ZNF841: variants seen among roughly 807,000 people sequenced by gnomAD.
ZNF841 encodes TCONS_00006091.
A neutral mutation model predicts 13.0 loss-of-function variants in ZNF841; 11 were observed. That is an observed-to-expected ratio of 0.85 (90% confidence interval 0.53 to 1.40). ZNF841 has a LOEUF of 1.40. Ranked by LOEUF, ZNF841 falls within the 40% of genes most tolerant of loss-of-function variation. The pLI is 0.00. For synonymous variants in ZNF841, 369 were observed against 381.6 expected (o/e 0.97, Z 0.38); for missense variants, 1,068 against 1,139.5 (o/e 0.94, Z 0.90).
intron 3 of ZNF841, among the ~76,000 whole-genome samples, chr19:52,086,984 G>A (rs2088296483): frequency 6.6e-6 from 1 of 152,218 alleles, no homozygotes; most frequent in African/African-American, 2.4e-5. Flanking sequence ...AAGCACAGAA[G>A]AGGGGTACTC....
At chr19:52,077,122 GA>G (rs746130376) in intron 4 of ZNF841, 38 bp from the exon 5 acceptor site, 1 of 1,576,574 alleles carries the variant, frequency 6.3e-7, no homozygotes, top group African/African-American at 1.4e-5. Context: ...AGCAGTGGGT[GA>G]GCTCTTATCT....
chr19:52,082,046 G>A (rs950738354), intron 4 of ZNF841, among the ~76,000 whole-genome samples: 1 of 152,082 alleles, frequency 6.6e-6, no homozygotes, highest in African/African-American at 2.4e-5. Context: ...AGGGCTCATG[G>A]GGAAACCATC....
At chr19:52,059,370 A>AAAAATAT in the ZNF841 span, among the ~76,000 whole-genome samples, 57 of 69,622 alleles carry the variant, frequency 8.2e-4, no homozygotes, top group African/African-American at 3.4e-3. Context: ...AAAAAAAAAA[A>AAAAATAT]ATATATATAT....
intron 4 of ZNF841, among the ~76,000 whole-genome samples, chr19:52,079,536 G>A (rs2088025257): frequency 6.6e-6 from 1 of 151,476 alleles, no homozygotes; most frequent in South Asian, 2.1e-4. Context: ...AGAGAAAAGG[G>A]GGTTTTTCAT....
At chr19:52,083,386 GC>G (rs1474517556) in intron 4 of ZNF841, among the ~76,000 whole-genome samples, 2 of 148,442 alleles carry the variant, frequency 1.3e-5, no homozygotes, top group South Asian at 2.1e-4. Context: ...GTTCAAGGGT[GC>G]CCCCTCCCAC....
chr19:52,082,113 C>T (rs1395144232), intron 4 of ZNF841, among the ~76,000 whole-genome samples: 2 of 152,182 alleles, frequency 1.3e-5, no homozygotes, highest in Non-Finnish European at 2.9e-5. Context: ...ATATACCTAA[C>T]ATTACTAAAC....
Position 52,065,063 on chromosome 19 carries a change from C to A in ZNF841, c.*44G>T. ...ATTACTACAATTCCACATGAGACTT[C>A]AAAGGGAAAGGACAAATATACAAGC... On this transcript the variant is annotated 3_prime_UTR_variant, in exon 7 of 7. Transcript: ENST00000594440. 2 of 1,425,876 alleles carry A rather than the reference C, an allele frequency of 1.4e-6. No individual in the cohort carries two copies. Among genetic ancestry groups the A allele is most frequent in the South Asian group, 1.6e-5 (1 of 64,226 alleles). The allele number at this position is 1,425,876 out of a possible 1,614,324, so 88.3% of individuals were successfully genotyped here. A position where few individuals can be genotyped will look rare whatever the true frequency, so the allele number is the denominator to read the frequency against.
chr19:52,082,173 A>G (rs1478726571), intron 4 of ZNF841, among the ~76,000 whole-genome samples: 3 of 152,202 alleles, frequency 2.0e-5, no homozygotes, highest in Non-Finnish European at 1.5e-5. Flanking sequence ...AGATATGATC[A>G]CTGACTGACA....
intron 6 of ZNF841, among the ~76,000 whole-genome samples, chr19:52,068,735 C>T (rs1375455582): frequency 2.7e-5 from 4 of 150,136 alleles, no homozygotes; most frequent in Non-Finnish European, 5.9e-5. Context: ...TTTTGAGAGG[C>T]CAAGGTGGGC....
intron 4 of ZNF841, among the ~76,000 whole-genome samples, chr19:52,080,013 A>AG (rs1331350742): frequency 2.6e-5 from 4 of 151,590 alleles, no homozygotes; most frequent in Admixed American, 6.6e-5. Context: ...AAAAAAAAAA[A>AG]AGAGATAACA....
chr19:52,075,110 T>C (rs972969936), intron 6 of ZNF841, among the ~76,000 whole-genome samples: 8 of 152,164 alleles, frequency 5.3e-5, no homozygotes, highest in African/African-American at 1.9e-4. Context: ...CCACAAGATA[T>C]TCATAACCCC....
chr19:52,083,627 TAA>T (rs1246713334), intron 4 of ZNF841, among the ~76,000 whole-genome samples: 1 of 152,132 alleles, frequency 6.6e-6, no homozygotes, highest in Non-Finnish European at 1.5e-5. Flanking sequence ...GTTCTGTAGT[TAA>T]AAGTTTTTAA....
downstream of ZNF841, among the ~76,000 whole-genome samples, chr19:52,060,545 T>C (rs1374089498): frequency 6.6e-6 from 1 of 152,084 alleles, no homozygotes; most frequent in Non-Finnish European, 1.5e-5. Flanking sequence ...TTCTGAGTTA[T>C]TTTCCTTTTC....
rs1312364138 is a variant in ZNF841, at chr19:52,067,052, A to G, written c.830T>C (p.Ile277Thr). 4 of 1,612,134 alleles carry G rather than the reference A, an allele frequency of 2.5e-6. No individual in the cohort carries two copies. Among genetic ancestry groups the G allele is most frequent in the East Asian group, 2.2e-5 (1 of 44,834 alleles). ...TGTAGTATGTATCATCTGATGATTA[A>G]TAAGACTTGAAGACACTCTGAAGGC... is the stretch of plus-strand genomic sequence containing the variant. ...GKAFRVSSSL[I>T]NHQMIHTTEK... The change falls in exon 7 of 7, where the codon ATT becomes ACT. Residue 277 changes from isoleucine to threonine, a missense_variant. Physicochemically the swap from Ile to Thr is moderately conservative, Grantham distance 89. Coordinates refer to ENST00000594440, the MANE Select transcript of ZNF841 (RefSeq NM_001136499.2).
At chr19:52,086,621 G>A (rs2088283950) in intron 3 of ZNF841, among the ~76,000 whole-genome samples, 1 of 152,230 alleles carries the variant, frequency 6.6e-6, no homozygotes, top group African/African-American at 2.4e-5. Context: ...ATGAGATGAT[G>A]AGGAAAGACA....
At chr19:52,081,337 A>G (rs1234305099) in intron 4 of ZNF841, among the ~76,000 whole-genome samples, 1 of 152,156 alleles carries the variant, frequency 6.6e-6, no homozygotes, top group Non-Finnish European at 1.5e-5. Flanking sequence ...TTTTCTGGCT[A>G]TTTGTAGTTC....
intron 6 of ZNF841, among the ~76,000 whole-genome samples, chr19:52,074,826 A>G (rs2087847889): frequency 6.6e-6 from 1 of 152,126 alleles, no homozygotes; most frequent in Non-Finnish European, 1.5e-5. Flanking sequence ...CATGGGAGAA[A>G]TTCCTACACC....
At position 52,066,623 on chromosome 19, in the gene ZNF841, T is replaced by G. The variant is rs972060525; in HGVS notation, c.1259A>C (p.His420Pro). ...TGGTTTCTTTCCTGCATGGATTATA[T>G]GATGTGCAGTGAGGCTTGAGTTCCG... Reference protein sequence around the residue: ...FKRNSSLTAHHIIHAGKKPYT... With the variant: ...FKRNSSLTAHPIIHAGKKPYT... Residue 420 changes from histidine to proline, a missense_variant, in exon 7 of 7, where the codon CAT becomes CCT. By Grantham distance (77) the His-to-Pro change is moderately conservative. Coordinates refer to ENST00000594440, the MANE Select transcript of ZNF841 (RefSeq NM_001136499.2). 1.2e-6 allele frequency: 2 copies of G among 1,613,534 alleles called. No individual in the cohort carries two copies. The highest frequency in any genetic ancestry group is 2.7e-5 in the African/African-American group (2 of 74,918).
chr19:52,084,311 G>A (rs1035726692), intron 4 of ZNF841, among the ~76,000 whole-genome samples: 1 of 152,136 alleles, frequency 6.6e-6, no homozygotes, highest in Non-Finnish European at 1.5e-5. Context: ...GTTAGAAAGA[G>A]TGACTGATTC....
Sources: gnomAD v4.1 joint callset for allele counts (sites outside exome capture counted in the v4.1 genomes callset) on GRCh38, gnomAD v4.1.1 for gene constraint, MANE v1.5 for transcripts, NCBI Gene and HGNC (gene_info 2026-07-23, HGNC 2026-07-21) for gene names.